Variants in PCDHA9 observed in about 807,000 individuals in gnomAD.
PCDHA9 encodes protocadherin alpha-9.
PCDHA9 carries 62 observed loss-of-function variants against 62.0 expected under a neutral mutation model. The observed-to-expected ratio is 1.00, with a 90% CI of 0.81 to 1.23. The LOEUF (loss-of-function observed/expected upper bound fraction) is 1.23. Ranked by LOEUF, PCDHA9 falls within the 50% of genes most tolerant of loss-of-function variation. PCDHA9 has a pLI of 0.00. For missense variants in PCDHA9, 1,205 were observed against 1,249.8 expected, an observed-to-expected ratio of 0.96 and a Z score of 0.54; for synonymous variants, 557 against 567.6, an observed-to-expected ratio of 0.98 and a Z score of 0.27.
intron 1 of PCDHA9, among the ~76,000 whole-genome samples, chr5:140,973,235 A>C (rs1390895303): frequency 6.6e-6 from 1 of 152,218 alleles, no homozygotes; most frequent in Non-Finnish European, 1.5e-5. Context: ...GTGACCTGAA[A>C]GAGTTAATTC....
In PCDHA9 at chr5:140,850,849, G is replaced by C. The variant is rs2150500367; in HGVS notation, c.2354G>C (p.Arg785Pro). Residue 785 changes from arginine (R) to proline (P), a missense_variant, in exon 1 of 4, where the codon CGA (arginine) becomes CCA (proline). Arg to Pro is a moderately radical substitution (Grantham distance 103, BLOSUM62 -2). Around this residue, in one of 3 missense-constraint regions of PCDHA9, gnomAD observed 887 missense variants for 809.5 expected, o/e 1.10. Transcript: ENST00000532602. ...GLSPCAGSTE[R>P]TGEPSASSDS... ...TCTCCTTGTGCTGGATCTACAGAGC[G>C]AACGGGAGAACCCTCTGCTTCCTCA... 2.5e-6 allele frequency: 4 copies of C among 1,596,076 alleles called. No individual in the cohort carries two copies. The highest frequency in any genetic ancestry group is 2.2e-5 in the South Asian group (2 of 90,460).
At chr5:140,937,839 A>G (rs2091791639) in intron 1 of PCDHA9, among the ~76,000 whole-genome samples, 1 of 150,456 alleles carries the variant, frequency 6.6e-6, no homozygotes, top group Non-Finnish European at 1.5e-5. Flanking sequence ...ATGAACCTGG[A>G]AGGCGGAACT....
intron 1 of PCDHA9, among the ~76,000 whole-genome samples, chr5:140,874,944 G>A (rs2055185348): frequency 6.6e-6 from 1 of 152,170 alleles, no homozygotes; most frequent in Non-Finnish European, 1.5e-5. Context: ...TGAAACAGCG[G>A]AATTGTAAGC....
intron 3 of PCDHA9, among the ~76,000 whole-genome samples, chr5:141,005,407 T>C (rs2098211600): frequency 1.3e-5 from 2 of 151,168 alleles, no homozygotes; most frequent in Admixed American, 1.3e-4. Context: ...ACTTGAAGAG[T>C]GAGGAGTCAT....
intron 1 of PCDHA9, among the ~76,000 whole-genome samples, chr5:140,952,331 T>G (rs1302386893): frequency 1.8e-5 from 2 of 112,488 alleles, no homozygotes; most frequent in African/African-American, 7.8e-5. Context: ...AGAGTGAAAC[T>G]CCATCTCAAA....
chr5:140,957,222 G>A (rs537549328), intron 1 of PCDHA9, among the ~76,000 whole-genome samples: 1 of 152,182 alleles, frequency 6.6e-6, no homozygotes, highest in East Asian at 1.9e-4. Context: ...AAAATTTGGC[G>A]AAGCATTTTG....
intron 1 of PCDHA9, among the ~76,000 whole-genome samples, chr5:140,910,919 T>G (rs2075230231): frequency 6.6e-6 from 1 of 152,154 alleles, no homozygotes; most frequent in Admixed American, 6.5e-5. Flanking sequence ...TTTTTGCTTA[T>G]ATAAATAAGA....
intron 1 of PCDHA9, chr5:140,856,597 C>CA: frequency 1.3e-6 from 2 of 1,597,412 alleles, no homozygotes; most frequent in Non-Finnish European, 1.7e-6. Context: ...ATATTATAAA[C>CA]AAAAAAGACA....
chr5:140,999,040 G>A (rs1450256691), intron 3 of PCDHA9, among the ~76,000 whole-genome samples: 2 of 152,218 alleles, frequency 1.3e-5, no homozygotes, highest in African/African-American at 2.4e-5. Context: ...TTCGTCCAGT[G>A]TGCTTTCCAC....
chr5:140,943,522 G>T (rs2093513187), intron 1 of PCDHA9, among the ~76,000 whole-genome samples: 1 of 152,144 alleles, frequency 6.6e-6, no homozygotes, highest in Non-Finnish European at 1.5e-5. Flanking sequence ...GTTGAGTTCA[G>T]TATGCAAAAT....
At chr5:140,957,023 G>C (rs1360382480) in intron 1 of PCDHA9, among the ~76,000 whole-genome samples, 2 of 152,100 alleles carry the variant, frequency 1.3e-5, no homozygotes, top group Non-Finnish European at 2.9e-5. Flanking sequence ...TGAGCATTTA[G>C]ATATTTATGG....
rs57893927 is a variant in PCDHA9, at chr5:140,946,631, T to TATATATATATATATATAC, written c.2395-32317_2395-32316insTATATATATATATATACA. Among the ~76,000 whole-genome samples, 374 of 131,796 alleles carry TATATATATATATATATAC rather than the reference T, an allele frequency of 2.8e-3. 24 individuals carry two copies. The highest frequency in any genetic ancestry group is 0.011 in the African/African-American group (320 of 28,670). 86.5% of individuals were successfully genotyped at this position (131,796 alleles called of 152,430 possible). ...TGTGAAATATATATATATATATATA[T>TATATATATATATATATAC]ACAATGGAATACTCATCAGCCATTA... On this transcript the variant is annotated intron_variant, in intron 1 of 3. Coordinates refer to ENST00000532602, the MANE Select transcript of PCDHA9 (RefSeq NM_031857.2).
intron 1 of PCDHA9, chr5:140,876,557 A>C: frequency 6.2e-7 from 1 of 1,614,156 alleles, no homozygotes; most frequent in Admixed American, 1.7e-5. Context: ...GTGCAAGAGG[A>C]TGCTCAGGTG....
intron 1 of PCDHA9, among the ~76,000 whole-genome samples, chr5:140,959,893 T>A (rs782431808): frequency 6.6e-6 from 1 of 152,194 alleles, no homozygotes; most frequent in Non-Finnish European, 1.5e-5. Flanking sequence ...CGAGTGGGAT[T>A]TATATCAGAA....
intron 1 of PCDHA9, chr5:140,870,783 C>A: frequency 6.2e-7 from 1 of 1,613,598 alleles, no homozygotes; most frequent in Non-Finnish European, 8.5e-7. Context: ...AGAACGACAA[C>A]GCGCCGGCAC....
intron 2 of PCDHA9, among the ~76,000 whole-genome samples, chr5:140,980,886 C>T (rs2096909899): frequency 6.6e-6 from 1 of 152,062 alleles, no homozygotes; most frequent in South Asian, 2.1e-4. Context: ...TCGGTCTTTC[C>T]AGTCTTGGAC....
chr5:140,915,886 T>A (rs1259377999), intron 1 of PCDHA9, among the ~76,000 whole-genome samples: 2 of 152,186 alleles, frequency 1.3e-5, no homozygotes, highest in African/African-American at 4.8e-5. Context: ...GGGTAGCAAG[T>A]TCCCCCTGGC....
At chr5:140,966,405 A>G (rs562045428) in intron 1 of PCDHA9, 6 of 404,248 alleles carry the variant, frequency 1.5e-5, no homozygotes, top group African/African-American at 1.2e-4. Context: ...TCGGCGCGGA[A>G]TCAGAGCAGG....
At chr5:140,936,519 G>A (rs77875081) in intron 1 of PCDHA9, among the ~76,000 whole-genome samples, 2,263 of 152,276 alleles carry the variant, frequency 0.015, 25 homozygotes, top group Non-Finnish European at 0.022. Context: ...TAAATTACCT[G>A]AAATTGCTTT....
Sources: gnomAD v4.1 joint callset for allele counts (sites outside exome capture counted in the v4.1 genomes callset) on GRCh38, gnomAD v4.1.1 for gene constraint, gnomAD v4.1.1 regional missense constraint, MANE v1.5 for transcripts, NCBI Gene and HGNC (gene_info 2026-07-23, HGNC 2026-07-21) for gene names.